Variants in RNF112 observed in about 807,000 individuals in gnomAD.
The protein encoded by RNF112 is brain finger protein.
A neutral mutation model predicts 64.7 loss-of-function variants in RNF112; 34 were observed. The ratio of observed to expected loss-of-function variants is 0.53; its 90% CI spans 0.40 to 0.70. The LOEUF (loss-of-function observed/expected upper bound fraction) is 0.70, where lower values mean the gene tolerates loss of function less well. Among genes scored for constraint, RNF112 ranks in the 30% least tolerant of loss-of-function variants. The pLI is 0.00. For synonymous variants in RNF112, 345 were observed against 344.5 expected (o/e 1.00, Z -0.02); for missense variants, 734 against 850.0 (o/e 0.86, Z 1.70).
In RNF112 at chr17:19,416,136, T is replaced by G. The variant is rs1913887453; in HGVS notation, c.1857T>G (p.Leu619=). 6.3e-7 allele frequency: 1 copy of G among 1,575,114 alleles called. No individual in the cohort carries two copies. Among genetic ancestry groups the G allele is most frequent in the Non-Finnish European group, 8.6e-7 (1 of 1,160,996 alleles). Residue 619 remains leucine, a synonymous_variant, in exon 14 of 14, where the codon CTT becomes CTG. Coordinates refer to ENST00000461366, the MANE Select transcript of RNF112 (RefSeq NM_007148.5). Reference sequence around the variant, plus strand: ...TGGAGAAGGAGGAGGATGAGAGGCTTCTGGAAGGGGACCGAGAGCCCCTTC... The same window carrying G: ...TGGAGAAGGAGGAGGATGAGAGGCTGCTGGAAGGGGACCGAGAGCCCCTTC... ...GCMEKEEDER[L]LEGDREPLLQ...
chr17:19,412,533 T>C lies in RNF112; in HGVS notation c.131T>C (p.Leu44Pro). Residue 44 changes from leucine to proline, a missense_variant, in exon 3 of 14, where the codon CTG (leucine) becomes CCG (proline). Leu to Pro is a moderately conservative substitution (Grantham distance 98). Transcript: ENST00000461366. This position sits in a 1 kb window ranked among gnomAD's most constrained non-coding sequence, Gnocchi z 5.1. ...CCTTTCCCCAAGTTGGAGCTAGGCC[T>C]GGGGCCCCAGCCCATGGCGCCCCGG... The part of the protein sequence containing the change: ...HTPFPKLELG[L>P]GPQPMAPREL... 6.2e-7 allele frequency: 1 copy of C among 1,613,400 alleles called. No homozygotes were observed. The highest frequency in any genetic ancestry group is 8.5e-7 in the Non-Finnish European group (1 of 1,179,742).
Position 19,415,673 on chromosome 17 carries a change from C to A in RNF112, c.1426-32C>A. On this transcript the variant is annotated intron_variant, in intron 13 of 13. Coordinates refer to ENST00000461366, the MANE Select transcript of RNF112 (RefSeq NM_007148.5). The surrounding 1 kb of genome is among the most constrained non-coding windows in gnomAD (Gnocchi z 7.8). ...GGAGAGGATACCTGGGACTCCTGGT[C>A]AGGGCACCTTCTTTTCCCCTCCCTG... The A allele has an allele frequency of 6.2e-7, 1 of 1,600,272 alleles. No individual in the cohort carries two copies.
intron 6 of RNF112, 81 bp from the exon 7 acceptor site, chr17:19,414,014 C>T (rs1158473565): frequency 4.0e-6 from 5 of 1,240,176 alleles, no homozygotes; most frequent in Non-Finnish European, 5.8e-6. Context: ...TGCCTGCGAG[C>T]TCCCTACTCA....
chr17:19,411,297 CTACCTACCG>C lies in RNF112; in HGVS notation c.-111_-103del. On this transcript the variant is annotated 5_prime_UTR_variant, in exon 1 of 14. Coordinates refer to ENST00000461366, the MANE Select transcript of RNF112 (RefSeq NM_007148.5). ...GGATACCATCCCCCGACCTCACCTT[CTACCTACCG>C]CAGCCTGCTAGCCTTTCCGGGAGAA... 3 of 963,476 alleles carry C rather than the reference CTACCTACCG, an allele frequency of 3.1e-6. No individual in the cohort carries two copies. The highest frequency in any genetic ancestry group is 3.2e-5 in the African/African-American group (2 of 61,564). The allele number at this position is 963,476 out of a possible 1,614,324, so 59.7% of individuals were successfully genotyped here. A position where few individuals can be genotyped will look rare whatever the true frequency, so the allele number is the denominator to read the frequency against.
At position 19,412,587 on chromosome 17, in the gene RNF112, AGAGGTTGCGCGACCCCATCTCGCTG is replaced by A; in HGVS notation, c.188_212del (p.Arg63ThrfsTer44). 1 of 1,613,174 alleles carries A rather than the reference AGAGGTTGCGCGACCCCATCTCGCTG, an allele frequency of 6.2e-7. No individual in the cohort carries two copies. Among genetic ancestry groups the A allele is most frequent in the Non-Finnish European group, 8.5e-7 (1 of 1,179,710 alleles). ...CTCCCTACCTGCTCCATCTGCCTGG[AGAGGTTGCGCGACCCCATCTCGCTG>A]GACTGTGGCCACGACTTCTGCATAC... On this transcript the variant is annotated frameshift_variant, in exon 3 of 14. Transcript: ENST00000461366. LOFTEE classifies it high-confidence loss of function. This position sits in a 1 kb window ranked among gnomAD's most constrained non-coding sequence, Gnocchi z 5.1.
Position 19,412,654 on chromosome 17 carries a change from C to T in RNF112, c.252C>T (p.His84=), listed in dbSNP as rs779077687. 3.1e-6 allele frequency: 5 copies of T among 1,613,424 alleles called. No homozygotes were observed. The Admixed American group carries it at 6.7e-5, about 22-fold the overall frequency. The stretch of plus-strand genomic sequence containing the variant: ...TCTGCATACGGTGCTTCAGCACACA[C>T]CGTCTCCCGGGCTGTGAGCCGCCCT... The part of the protein sequence containing the change: ...HDFCIRCFST[H]RLPGCEPPCC... The change falls in exon 3 of 14, where the codon CAC becomes CAT. Residue 84 remains histidine, a synonymous_variant. Transcript: ENST00000461366. The surrounding 1 kb of genome is among the most constrained non-coding windows in gnomAD (Gnocchi z 5.1).
In RNF112 at chr17:19,416,077, G is replaced by C; in HGVS notation, c.1798G>C (p.Val600Leu). 1 of 1,576,640 alleles carries C rather than the reference G, an allele frequency of 6.3e-7. No homozygotes were observed. Among genetic ancestry groups the C allele is most frequent in the Non-Finnish European group, 8.6e-7 (1 of 1,162,254 alleles). Residue 600 changes from valine to leucine, a missense_variant, in exon 14 of 14, where the codon GTG becomes CTG. Coordinates refer to ENST00000461366, the MANE Select transcript of RNF112 (RefSeq NM_007148.5). ...ATGAAVVGGGVGAGLAATVGC... is the reference protein window; with the variant it reads ...ATGAAVVGGGLGAGLAATVGC... ...AGGGGCCGCTGTGGTTGGGGGTGGC[G>C]TGGGTGCTGGGTTGGCTGCCACAGT...
rs1403627879 is a variant in RNF112 at position 19,415,972 on chromosome 17, G to A, written c.1693G>A (p.Val565Met). 8 of 1,578,954 alleles carry A rather than the reference G, an allele frequency of 5.1e-6. No individual in the cohort carries two copies. The highest frequency in any genetic ancestry group is 2.3e-5 in the East Asian group (1 of 43,664). Residue 565 changes from valine (V) to methionine (M), a missense_variant, in exon 14 of 14, where the codon GTG (valine) becomes ATG (methionine). Coordinates refer to ENST00000461366, the MANE Select transcript of RNF112 (RefSeq NM_007148.5). This position sits in a 1 kb window ranked among gnomAD's most constrained non-coding sequence, Gnocchi z 7.8. ...GAGLMGLAGGVVGAGMAAAAL... is the reference protein window; with the variant it reads ...GAGLMGLAGGMVGAGMAAAAL... The stretch of plus-strand genomic sequence containing the variant: ...CGGGCTCATGGGCCTGGCAGGGGGC[G>A]TGGTGGGTGCTGGCATGGCAGCAGC...
At position 19,415,068 on chromosome 17, in the gene RNF112, G is replaced by C; in HGVS notation, c.1157G>C (p.Gly386Ala). ...DTDDDFRHLL[G>A]AYVSDVLSAA... ...GATGATGACTTCCGCCACCTTCTGG[G>C]GGCCTACGTCTCAGATGTGCTGAGT... The change falls in exon 11 of 14, where the codon GGG (glycine) becomes GCG (alanine). Residue 386 changes from glycine (G) to alanine (A), a missense_variant. By Grantham distance (60) the Gly-to-Ala change is moderately conservative. Coordinates refer to ENST00000461366, the MANE Select transcript of RNF112 (RefSeq NM_007148.5). This position sits in a 1 kb window ranked among gnomAD's most constrained non-coding sequence, Gnocchi z 7.8. The C allele has an allele frequency of 6.3e-7, 1 of 1,591,142 alleles. No homozygotes were observed. Among genetic ancestry groups the C allele is most frequent in the Non-Finnish European group, 8.6e-7 (1 of 1,168,882 alleles).
At chr17:19,414,709 G>A (rs1913802325) in intron 9 of RNF112, 49 bp downstream of exon 9, 2 of 1,610,954 alleles carry the variant, frequency 1.2e-6, no homozygotes, top group East Asian at 4.5e-5. Flanking sequence ...CAGGGCAGAG[G>A]TGGGGAAGAC....
rs1274379839 is a variant in RNF112, at chr17:19,415,749, A to C, written c.1470A>C (p.Pro490=). Residue 490 remains proline (P), a synonymous_variant, in exon 14 of 14, where the codon CCA becomes CCC. Transcript: ENST00000461366. This position sits in a 1 kb window ranked among gnomAD's most constrained non-coding sequence, Gnocchi z 7.8. ...TATTCTCTGCGCTGCGGGTCCTGCC[A>C]GACACCATGCGGAACCTCCTCTCCA... ...KRIFSALRVL[P]DTMRNLLSTQ... is the part of the protein sequence containing the mutation. The C allele has an allele frequency of 6.2e-7, 1 of 1,613,304 alleles. No homozygotes were observed. Among genetic ancestry groups the C allele is most frequent in the South Asian group, 1.1e-5 (1 of 91,068 alleles).
chr17:19,414,383 A>G, intron 7 of RNF112, 66 bp from the exon 8 acceptor site: 1 of 1,587,700 alleles, frequency 6.3e-7, no homozygotes, highest in Non-Finnish European at 8.6e-7. Flanking sequence ...GTGGGGAGAC[A>G]GGCTTGGGGT....
Position 19,412,190 on chromosome 17 carries a change from T to C in RNF112, c.96-308T>C, listed in dbSNP as rs1463591701. ...GGCCCAGAGAGGGGAAGGAACTTGC[T>C]TGCATTTGCATGGCTGGGATGTGGT... On this transcript the variant is annotated intron_variant, in intron 2 of 13. Coordinates refer to ENST00000461366, the MANE Select transcript of RNF112 (RefSeq NM_007148.5). The surrounding 1 kb of genome is among the most constrained non-coding windows in gnomAD (Gnocchi z 5.1). Among the ~76,000 whole-genome samples the C allele has an allele frequency of 2.0e-5, 3 of 152,196 alleles. No homozygotes were observed. The South Asian group carries it at 6.2e-4, about 31-fold the overall frequency.
chr17:19,411,933 T>G, intron 2 of RNF112: 1 of 584,086 alleles, frequency 1.7e-6, no homozygotes, highest in African/African-American at 1.9e-5. Context: ...GCTGATGGCT[T>G]CTCCTCACTG....
chr17:19,411,716 G>A, intron 2 of RNF112, 46 bp downstream of exon 2: 1 of 1,551,528 alleles, frequency 6.4e-7, no homozygotes, highest in Non-Finnish European at 8.7e-7. Context: ...AGTGAGGCCA[G>A]GCAGGTCAGT....
Position 19,411,417 on chromosome 17 carries a change from G to A in RNF112, c.9G>A (p.Arg3=). Residue 3 remains arginine, a synonymous_variant, in exon 1 of 14, where the codon AGG becomes AGA. Coordinates refer to ENST00000461366, the MANE Select transcript of RNF112 (RefSeq NM_007148.5). Reference sequence around the variant, plus strand: ...CCCCATCCCAGCCTCCCATGCCAAGGCCCGCCTTGTCAGTCACTTCCTTTT... The same window carrying A: ...CCCCATCCCAGCCTCCCATGCCAAGACCCGCCTTGTCAGTCACTTCCTTTT... MP[R]PALSVTSFCH... 1 of 1,610,990 alleles carries A rather than the reference G, an allele frequency of 6.2e-7. No homozygotes were observed. Among genetic ancestry groups the A allele is most frequent in the Non-Finnish European group, 8.5e-7 (1 of 1,179,186 alleles).
chr17:19,415,740 G>T lies in RNF112; in HGVS notation c.1461G>T (p.Arg487=). 1.2e-6 allele frequency: 2 copies of T among 1,612,910 alleles called. No individual in the cohort carries two copies. The highest frequency in any genetic ancestry group is 1.7e-6 in the Non-Finnish European group (2 of 1,179,540). The change falls in exon 14 of 14, where the codon CGG becomes CGT. Residue 487 remains arginine, a synonymous_variant. Transcript: ENST00000461366. The surrounding 1 kb of genome is among the most constrained non-coding windows in gnomAD (Gnocchi z 7.8). ...VATKRIFSAL[R]VLPDTMRNLL... ...CCAAGCGCATATTCTCTGCGCTGCG[G>T]GTCCTGCCAGACACCATGCGGAACC...
rs1187345119 is a variant in RNF112, at chr17:19,417,174, AGACTTCTAGGCTATGAAACT to A, written c.*1020_*1039del. The A allele has an allele frequency of 3.3e-5, 5 of 152,226 alleles. No homozygotes were observed. Among genetic ancestry groups the A allele is most frequent in the East Asian group, 1.9e-4 (1 of 5,196 alleles). The allele number at this position is 152,226 out of a possible 1,614,324, so 9.4% of individuals were successfully genotyped here. On this transcript the variant is annotated 3_prime_UTR_variant, in exon 14 of 14. Transcript: ENST00000461366. The stretch of plus-strand genomic sequence containing the variant: ...GGGACAGAAAATCTGACTACTAGGA[AGACTTCTAGGCTATGAAACT>A]GACTTCTAGGCTATGAAACTTACAG...
In RNF112 at chr17:19,414,821, G is replaced by T. The variant is rs557093332; in HGVS notation, c.1060G>T (p.Ala354Ser). The change falls in exon 10 of 14, where the codon GCC (alanine) becomes TCC (serine). Residue 354 changes from alanine (A) to serine (S), a missense_variant. Transcript: ENST00000461366. ...KVQELLQGKR[A>S]RCCLLPAPGR... ...GCAGGAGCTGCTGCAAGGGAAGCGA[G>T]CCCGTTGCTGCCTCTTGCCTGCCCC... 4 of 1,613,736 alleles carry T rather than the reference G, an allele frequency of 2.5e-6. No individual in the cohort carries two copies.
Sources: allele counts gnomAD v4.1 joint callset (sites outside exome capture counted in the v4.1 genomes callset), GRCh38; gene constraint gnomAD v4.1.1; non-coding constraint Gnocchi (gnomAD v3.1); transcripts MANE v1.5; gene names NCBI Gene and HGNC (gene_info 2026-07-23, HGNC 2026-07-21).